Variants in CACNG2 observed in about 807,000 individuals in gnomAD.
The protein encoded by CACNG2 is voltage-dependent calcium channel gamma-2 subunit.
Under a neutral mutation model 25.9 loss-of-function variants are expected in CACNG2, and 3 were observed. The observed-to-expected ratio is 0.12, with a 90% CI of 0.05 to 0.30. The LOEUF is 0.30. CACNG2 is among the 10% of genes least tolerant of loss of function. The pLI is 1.00. For missense variants in CACNG2, 341 were observed against 432.5 expected (o/e 0.79, Z 1.88); for synonymous variants, 167 against 173.3 (o/e 0.96, Z 0.29).
chr22:36,698,601 A>G (rs1937371317), intron 1 of CACNG2, among the ~76,000 whole-genome samples: 1 of 152,214 alleles, frequency 6.6e-6, no homozygotes, highest in Admixed American at 6.5e-5. Flanking sequence ...CTCAAAGAGA[A>G]CAAGGATGTA....
chr22:36,676,622 C>A (rs971816798), intron 1 of CACNG2, among the ~76,000 whole-genome samples: 1 of 152,176 alleles, frequency 6.6e-6, no homozygotes, highest in Non-Finnish European at 1.5e-5. Flanking sequence ...GAGGCTGCTA[C>A]GAGGCTCAAC....
At chr22:36,652,538 C>A (rs1446713141) in intron 1 of CACNG2, among the ~76,000 whole-genome samples, 4 of 152,188 alleles carry the variant, frequency 2.6e-5, no homozygotes, top group Admixed American at 6.5e-5. Flanking sequence ...CTTTCTGAAT[C>A]CCTGAACGAA....
intron 1 of CACNG2, among the ~76,000 whole-genome samples, chr22:36,640,409 A>G (rs2145966147): frequency 6.6e-6 from 1 of 152,342 alleles, no homozygotes; most frequent in African/African-American, 2.4e-5. Flanking sequence ...CTCTCTGAGG[A>G]GTAAGTTTCC....
intron 1 of CACNG2, among the ~76,000 whole-genome samples, chr22:36,676,437 A>G (rs922988742): frequency 2.6e-5 from 4 of 152,192 alleles, no homozygotes; most frequent in African/African-American, 9.6e-5. Flanking sequence ...AGCCCGGTAC[A>G]GGATCTCACT....
At chr22:36,669,128 C>T (rs966959826) in intron 1 of CACNG2, among the ~76,000 whole-genome samples, 3 of 152,142 alleles carry the variant, frequency 2.0e-5, no homozygotes, top group African/African-American at 7.2e-5. Context: ...ACACCACCCA[C>T]CCTAGAATGC....
intron 2 of CACNG2, among the ~76,000 whole-genome samples, chr22:36,569,471 T>C (rs1009028495): frequency 1.3e-5 from 2 of 152,186 alleles, no homozygotes; most frequent in Non-Finnish European, 2.9e-5. Flanking sequence ...GCTGTGTGGC[T>C]AAGGCGGGTG....
chr22:36,579,527 T>G (rs1476302869), intron 2 of CACNG2, among the ~76,000 whole-genome samples: 1 of 150,780 alleles, frequency 6.6e-6, no homozygotes, highest in Non-Finnish European at 1.5e-5. Context: ...AGCCTGGAGA[T>G]AGCTGTGGTC....
In CACNG2 at chr22:36,702,855, A is replaced by ATTTTTTTTTT. The variant is rs1937428612; in HGVS notation, c.-280_-279insAAAAAAAAAA. 1 of 263,074 alleles carries ATTTTTTTTTT rather than the reference A, an allele frequency of 3.8e-6. No individual in the cohort carries two copies. The allele number at this position is 263,074 out of a possible 1,614,324, so 16.3% of individuals were successfully genotyped here. A position where few individuals can be genotyped will look rare whatever the true frequency, so the allele number is the denominator to read the frequency against. ...GCAGTGTTTTTTTTTTAAAAAGAAA[A>ATTTTTTTTTT]GGAAAAAAAAAATAAAAAGACACCC... On this transcript the variant is annotated 5_prime_UTR_variant, in exon 1 of 4. Coordinates refer to ENST00000300105, the MANE Select transcript of CACNG2 (RefSeq NM_006078.5).
chr22:36,598,936 T>A lies in CACNG2; in HGVS notation c.212-11388A>T, dbSNP rs2145930305. Reference sequence around the variant, plus strand: ...GAGGTTGCAGTGAGCCAAGATCATGTCACTGCACTCCAGCCTGGGTGACAG... The same window carrying A: ...GAGGTTGCAGTGAGCCAAGATCATGACACTGCACTCCAGCCTGGGTGACAG... On this transcript the variant is annotated intron_variant, in intron 1 of 3. Transcript: ENST00000300105. 2.0e-5 allele frequency among the ~76,000 whole-genome samples: 3 copies of A among 152,224 alleles called. 1 individual carries two copies. The South Asian group carries it at 6.2e-4, about 32-fold the overall frequency.
chr22:36,657,510 C>T (rs1043392472), intron 1 of CACNG2, among the ~76,000 whole-genome samples: 2 of 152,024 alleles, frequency 1.3e-5, no homozygotes, highest in African/African-American at 4.8e-5. Context: ...TCCAGGAGCC[C>T]GGCTGGAGGA....
intron 1 of CACNG2, among the ~76,000 whole-genome samples, chr22:36,693,855 C>G (rs1937297615): frequency 6.6e-6 from 1 of 152,202 alleles, no homozygotes; most frequent in South Asian, 2.1e-4. Context: ...CCCAGAATCC[C>G]CTGTGCGTAC....
chr22:36,700,722 G>C (rs1434462459), intron 1 of CACNG2, among the ~76,000 whole-genome samples: 2 of 152,136 alleles, frequency 1.3e-5, no homozygotes, highest in Non-Finnish European at 2.9e-5. Flanking sequence ...GTTTAAAACA[G>C]TCCCTATTAA....
At chr22:36,581,466 G>A (rs1001125643) in intron 2 of CACNG2, among the ~76,000 whole-genome samples, 14 of 152,204 alleles carry the variant, frequency 9.2e-5, no homozygotes, top group African/African-American at 2.4e-4. Context: ...GCTTGAGCGC[G>A]GTGAGCCCCA....
intron 1 of CACNG2, among the ~76,000 whole-genome samples, chr22:36,688,413 A>C (rs188280592): frequency 3.3e-5 from 5 of 151,978 alleles, no homozygotes; most frequent in Admixed American, 3.3e-4. Flanking sequence ...GGTAGTGCAC[A>C]CTTGTAGTCC....
chr22:36,633,382 C>T (rs1019050187), intron 1 of CACNG2, among the ~76,000 whole-genome samples: 1 of 152,168 alleles, frequency 6.6e-6, no homozygotes, highest in Non-Finnish European at 1.5e-5. Context: ...TTTTAAGGTT[C>T]TAAGGTTTAT....
chr22:36,582,205 G>C (rs1569019860), intron 2 of CACNG2, among the ~76,000 whole-genome samples: 1 of 152,156 alleles, frequency 6.6e-6, no homozygotes. Flanking sequence ...CTGTTCAAAA[G>C]TGAGATGGTG....
At chr22:36,600,123 C>T (rs1935731681) in intron 1 of CACNG2, among the ~76,000 whole-genome samples, 1 of 152,168 alleles carries the variant, frequency 6.6e-6, no homozygotes, top group Admixed American at 6.5e-5. Flanking sequence ...TGGAGAGCTG[C>T]ATGATGGTAG....
chr22:36,696,137 G>A (rs1937336721), intron 1 of CACNG2, among the ~76,000 whole-genome samples: 1 of 152,130 alleles, frequency 6.6e-6, no homozygotes, highest in South Asian at 2.1e-4. Flanking sequence ...TCTCCCCCAG[G>A]ATCTGTGACA....
intron 1 of CACNG2, among the ~76,000 whole-genome samples, chr22:36,612,218 A>G (rs1168930413): frequency 6.6e-6 from 1 of 152,218 alleles, no homozygotes; most frequent in Non-Finnish European, 1.5e-5. Context: ...GTCACCTCTT[A>G]GTGCCTTACA....
Sources: gnomAD v4.1 joint callset for allele counts (sites outside exome capture counted in the v4.1 genomes callset) on GRCh38, gnomAD v4.1.1 for gene constraint, MANE v1.5 for transcripts, NCBI Gene and HGNC (gene_info 2026-07-23, HGNC 2026-07-21) for gene names.